FCRL4: variants seen among roughly 807,000 people sequenced by gnomAD.
FCRL4 encodes Fc receptor-like protein 4.
In FCRL4, 43 loss-of-function variants were observed where a neutral mutation model predicts 64.1. That is an observed-to-expected ratio of 0.67 (90% confidence interval 0.53 to 0.87). FCRL4 has a LOEUF of 0.87. FCRL4 is among the 40% of genes least tolerant of loss of function. The probability of loss-of-function intolerance (pLI) is 0.00; values close to 1 mark genes in which losing one functional copy is unlikely to be tolerated. For missense variants in FCRL4, 656 were observed against 613.5 expected (o/e 1.07, Z -0.73); for synonymous variants, 253 against 239.8 (o/e 1.05, Z -0.51).
intron 3 of FCRL4, among the ~76,000 whole-genome samples, chr1:157,588,488 A>T (rs368374594): frequency 5.9e-5 from 9 of 152,320 alleles, no homozygotes; most frequent in East Asian, 3.9e-4. Context: ...AGAGAACTAC[A>T]TGAGGATCTC....
chr1:157,575,776 C>T (rs375180001), intron 10 of FCRL4, 46 bp from the exon 11 acceptor site: 1 of 1,593,610 alleles, frequency 6.3e-7, no homozygotes, highest in African/African-American at 1.3e-5. Context: ...TAATGATGCA[C>T]TTAGAACTCA....
chr1:157,578,398 C>T, intron 10 of FCRL4, 76 bp downstream of exon 10: 1 of 1,224,214 alleles, frequency 8.2e-7, no homozygotes, highest in Non-Finnish European at 1.2e-6. Flanking sequence ...ATACCTAGCA[C>T]ATAGGAGGTG....
At chr1:157,581,237 C>T (rs775724832) in intron 7 of FCRL4, among the ~76,000 whole-genome samples, 2 of 152,216 alleles carry the variant, frequency 1.3e-5, no homozygotes, top group Non-Finnish European at 2.9e-5. Flanking sequence ...AAGAAACTGC[C>T]TAAGTAAACT....
chr1:157,589,803 G>A (rs1652797492), intron 2 of FCRL4, among the ~76,000 whole-genome samples: 1 of 151,208 alleles, frequency 6.6e-6, no homozygotes, highest in South Asian at 2.1e-4. Context: ...ACTCTCACCT[G>A]GGATCTTGTT....
intron 7 of FCRL4, 168 bp from the exon 8 acceptor site, chr1:157,580,516 A>G (rs2101676639): frequency 1.4e-6 from 1 of 690,128 alleles, no homozygotes; most frequent in East Asian, 2.7e-5. Context: ...TACAAAGCAT[A>G]TAACTTTTTG....
chr1:157,578,933 G>T, intron 8 of FCRL4, 81 bp from the exon 9 acceptor site: 1 of 1,146,922 alleles, frequency 8.7e-7, no homozygotes, highest in Non-Finnish European at 1.2e-6. Context: ...GAGCGGCAGA[G>T]GAGAAAGAGG....
chr1:157,587,487 A>G lies in FCRL4; in HGVS notation c.636T>C (p.Cys212=), dbSNP rs141617710. 164 of 1,614,222 alleles carry G rather than the reference A, an allele frequency of 1.0e-4. No homozygotes were observed. The African/African-American group carries it at 1.9e-3, about 19-fold the overall frequency. The part of the protein sequence containing the change: ...PTEGNSVNLS[C]ETQLPPERSD... ...ACCGCTCTGGAGGAAGCTGTGTTTC[A>G]CAGCTCAGGTTTACAGAATTCCCCT... The change falls in exon 5 of 12, where the codon TGT becomes TGC. Residue 212 remains cysteine (C), a synonymous_variant. Coordinates refer to ENST00000271532, the MANE Select transcript of FCRL4 (RefSeq NM_031282.3).
rs759168423 is a variant in FCRL4, at chr1:157,588,136, G to A, written c.308-17C>T. The stretch of plus-strand genomic sequence containing the variant: ...TTAAGGAGTCTGGAAAAGACACAGA[G>A]AGGAGATCGTCATTCAAAGCATTCC... On this transcript the variant is annotated splice_polypyrimidine_tract_variant and intron_variant, in intron 3 of 11. Transcript: ENST00000271532. The A allele has an allele frequency of 6.3e-7, 1 of 1,583,384 alleles. No individual in the cohort carries two copies. Among genetic ancestry groups the A allele is most frequent in the Admixed American group, 1.8e-5 (1 of 54,428 alleles).
In FCRL4 at chr1:157,578,470, G is replaced by A. The variant is rs779040477; in HGVS notation, c.1429+4C>T. On this transcript the variant is annotated splice_donor_region_variant and intron_variant, in intron 10 of 11. Coordinates refer to ENST00000271532, the MANE Select transcript of FCRL4 (RefSeq NM_031282.3). ...GCAGCCAGAATCTCTTCCCAAAGAC[G>A]TACCTTCCTCTTCTTCTCCCAGCTG... The A allele has an allele frequency of 3.7e-6, 6 of 1,610,534 alleles. No homozygotes were observed. The highest frequency in any genetic ancestry group is 3.3e-5 in the South Asian group (3 of 90,996).
intron 6 of FCRL4, among the ~76,000 whole-genome samples, chr1:157,583,296 C>A (rs1288173610): frequency 6.6e-6 from 1 of 152,180 alleles, no homozygotes; most frequent in Non-Finnish European, 1.5e-5. Flanking sequence ...GAAATTCAGG[C>A]TGCTCTCTGA....
chr1:157,589,715 G>A (rs1241617050), intron 2 of FCRL4, among the ~76,000 whole-genome samples: 1 of 152,196 alleles, frequency 6.6e-6, no homozygotes, highest in Non-Finnish European at 1.5e-5. Context: ...GATAGATGAT[G>A]GGAGGCTCAC....
At chr1:157,589,585 T>G in intron 2 of FCRL4, 127 bp from the exon 3 acceptor site, 1 of 1,221,022 alleles carries the variant, frequency 8.2e-7, no homozygotes, top group Non-Finnish European at 1.1e-6. Context: ...GACTTCTGTT[T>G]ACCCAGGTTG....
At chr1:157,580,627 A>C (rs2777965) in intron 7 of FCRL4, 163,109 of 418,392 alleles carry the variant, frequency 0.39, 35,545 homozygotes, top group African/African-American at 0.73. Flanking sequence ...TACATATAAC[A>C]AAAGTGTCAC....
chr1:157,580,446 G>T, intron 7 of FCRL4, 98 bp from the exon 8 acceptor site: 1 of 1,299,604 alleles, frequency 7.7e-7, no homozygotes. Context: ...AATCAAGACA[G>T]TCAATTCAAA....
At position 157,589,472 on chromosome 1, in the gene FCRL4, A is replaced by G; in HGVS notation, c.53-14T>C. ...TGTGTGCAGCTGCTGAGGAGGAAAGAGTAATAGGTCTGAGGTGGAGGTGCC... is the reference window on the plus strand; with the variant it reads ...TGTGTGCAGCTGCTGAGGAGGAAAGGGTAATAGGTCTGAGGTGGAGGTGCC... On this transcript the variant is annotated splice_polypyrimidine_tract_variant and intron_variant, in intron 2 of 11. Coordinates refer to ENST00000271532, the MANE Select transcript of FCRL4 (RefSeq NM_031282.3). 6.2e-7 allele frequency: 1 copy of G among 1,612,802 alleles called. No individual in the cohort carries two copies. Among genetic ancestry groups the G allele is most frequent in the Admixed American group, 1.7e-5 (1 of 60,016 alleles).
intron 3 of FCRL4, among the ~76,000 whole-genome samples, 163 bp from the exon 4 acceptor site, chr1:157,588,282 GT>G (rs1360193447): frequency 6.6e-6 from 1 of 152,092 alleles, no homozygotes; most frequent in Non-Finnish European, 1.5e-5. Context: ...CATGCTTCAG[GT>G]ACAATTCCTA....
intron 5 of FCRL4, among the ~76,000 whole-genome samples, chr1:157,586,681 C>T (rs565727581): frequency 4.6e-5 from 7 of 152,234 alleles, no homozygotes; most frequent in Non-Finnish European, 8.8e-5. Flanking sequence ...AAGGACTAAC[C>T]CTGAAGAAGC....
At chr1:157,586,062 A>G in intron 6 of FCRL4, 106 bp downstream of exon 6, 2 of 1,194,992 alleles carry the variant, frequency 1.7e-6, no homozygotes, top group South Asian at 3.0e-5. Flanking sequence ...AGCATGGCAA[A>G]ATGGAAACAG....
At chr1:157,596,430 C>T (rs1571147066) in intron 1 of FCRL4, 82 bp from the exon 2 acceptor site, 1 of 1,456,174 alleles carries the variant, frequency 6.9e-7, no homozygotes, top group South Asian at 1.2e-5. Flanking sequence ...CACTCATATG[C>T]TACTTCCAAC....
Sources: gnomAD v4.1 joint callset for allele counts (sites outside exome capture counted in the v4.1 genomes callset) on GRCh38, gnomAD v4.1.1 for gene constraint, MANE v1.5 for transcripts, NCBI Gene and HGNC (gene_info 2026-07-23, HGNC 2026-07-21) for gene names.